Variants in DLG2 observed in about 807,000 individuals in gnomAD.
The protein encoded by DLG2 is discs large MAGUK scaffold protein 2, also known as disks large homolog 2.
DLG2 carries 45 observed loss-of-function variants against 132.5 expected under a neutral mutation model. The ratio of observed to expected loss-of-function variants is 0.34; its 90% CI spans 0.27 to 0.44. The LOEUF is 0.44. Among genes scored for constraint, DLG2 ranks in the 20% least tolerant of loss-of-function variants. The pLI is 1.00. For missense variants in DLG2, 1,045 were observed against 1,196.9 expected (o/e 0.87, Z 1.87); for synonymous variants, 424 against 419.6 (o/e 1.01, Z -0.13).
intron 5 of DLG2, among the ~76,000 whole-genome samples, chr11:85,123,783 A>G (rs1319235281): frequency 1.3e-5 from 2 of 152,228 alleles, no homozygotes; most frequent in African/African-American, 4.8e-5. Flanking sequence ...AGAAAGTGAT[A>G]TGTGTGGGTA....
intron 10 of DLG2, among the ~76,000 whole-genome samples, chr11:84,059,984 T>G (rs996863713): frequency 1.1e-4 from 16 of 152,018 alleles, no homozygotes; most frequent in African/African-American, 3.1e-4. Flanking sequence ...TATAAAAAGG[T>G]AGAAGAAAAA....
intron 11 of DLG2, among the ~76,000 whole-genome samples, chr11:84,027,680 T>G (rs1246094987): frequency 1.3e-5 from 2 of 152,032 alleles, no homozygotes; most frequent in African/African-American, 4.8e-5. Flanking sequence ...ATTCACTTAT[T>G]AACTCTCACC....
intron 6 of DLG2, among the ~76,000 whole-genome samples, chr11:84,791,045 AC>A (rs2073771605): frequency 6.6e-6 from 1 of 152,188 alleles, no homozygotes; most frequent in Non-Finnish European, 1.5e-5. Flanking sequence ...CAGGAAACTT[AC>A]AGTCATGGTG....
intron 7 of DLG2, among the ~76,000 whole-genome samples, chr11:84,405,161 A>C (rs578524): frequency 0.58 from 89,038 of 152,278 alleles, 30,378 homozygotes; most frequent in East Asian, 0.79. Context: ...AATTGTTTCA[A>C]TATCTTTCAA....
In DLG2 at chr11:83,768,531, C is replaced by T. The variant is rs183403952; in HGVS notation, c.1825+18159G>A. On this transcript the variant is annotated intron_variant, in intron 18 of 27. Transcript: ENST00000376104. ...TTCGGTGGTAATCTGCTTTCTTTAA[C>T]ATCCAGTTTTAAACCATAATCACTA... 1.3e-3 allele frequency among the ~76,000 whole-genome samples: 205 copies of T among 152,248 alleles called. 2 individuals are homozygous for T. The highest frequency in any genetic ancestry group is 9.8e-4 in the Admixed American group (15 of 15,288).
intron 3 of DLG2, among the ~76,000 whole-genome samples, chr11:85,389,184 A>G (rs2086595106): frequency 6.6e-6 from 1 of 152,158 alleles, no homozygotes; most frequent in African/African-American, 2.4e-5. Flanking sequence ...CTGAAAATCA[A>G]GGACACACTT....
chr11:85,285,214 G>A lies in DLG2; in HGVS notation c.186+6C>T, dbSNP rs908839185. The A allele has an allele frequency of 2.5e-6, 4 of 1,610,208 alleles. No individual in the cohort carries two copies. The highest frequency in any genetic ancestry group is 1.7e-4 in the Middle Eastern group (1 of 6,050). On this transcript the variant is annotated splice_donor_region_variant and intron_variant, in intron 4 of 27. Coordinates refer to ENST00000376104, the MANE Select transcript of DLG2 (RefSeq NM_001142699.3). The stretch of plus-strand genomic sequence containing the variant: ...TTCAGTTCTTTTGGAAGTTTCAGTA[G>A]TATACCTCTGAAGATTTTTGAAGTC...
rs546029551 is a variant in DLG2 at position 83,580,770 on chromosome 11, G to T, written c.1941-38912C>A. Among the ~76,000 whole-genome samples the T allele has an allele frequency of 5.3e-4, 80 of 151,260 alleles. No individual in the cohort carries two copies. The East Asian group carries it at 0.011, about 20-fold the overall frequency. On this transcript the variant is annotated intron_variant, in intron 19 of 27. Transcript: ENST00000376104. ...TTCTGTGGGAGAGCACTTAATACAG[G>T]CCAGGAGAAGCAAAAACTGGCCCTC...
intron 7 of DLG2, among the ~76,000 whole-genome samples, chr11:84,345,340 T>TACA (rs2098534642): frequency 6.6e-6 from 1 of 152,210 alleles, no homozygotes; most frequent in African/African-American, 2.4e-5. Flanking sequence ...AAAAGTCCTG[T>TACA]ACACGAGTAA....
intron 3 of DLG2, among the ~76,000 whole-genome samples, chr11:85,515,536 T>C (rs1224083530): frequency 1.3e-5 from 2 of 151,976 alleles, no homozygotes; most frequent in African/African-American, 2.4e-5. Flanking sequence ...ATAGTGTCTA[T>C]CTTAATGCTT....
At position 83,884,055 on chromosome 11, in the gene DLG2, C is replaced by T. The variant is rs529080309; in HGVS notation, c.1497-9567G>A. On this transcript the variant is annotated intron_variant, in intron 15 of 27. Transcript: ENST00000376104. ...ATTTCTGCATTTCCAACTGAAGTACCGGGTTCATCTCACTAGGGAGTGCCA... is the reference window on the plus strand; with the variant it reads ...ATTTCTGCATTTCCAACTGAAGTACTGGGTTCATCTCACTAGGGAGTGCCA... 6.3e-3 allele frequency among the ~76,000 whole-genome samples: 956 copies of T among 152,306 alleles called. 6 individuals are homozygous for T. The highest frequency in any genetic ancestry group is 0.01 in the Admixed American group (153 of 15,296).
intron 3 of DLG2, among the ~76,000 whole-genome samples, chr11:85,551,826 T>C (rs890401583): frequency 2.6e-5 from 4 of 151,974 alleles, no homozygotes; most frequent in South Asian, 2.1e-4. Flanking sequence ...GGATAAAATA[T>C]AGTCCACAAA....
intron 19 of DLG2, among the ~76,000 whole-genome samples, chr11:83,616,126 A>G (rs970379426): frequency 6.6e-6 from 1 of 152,128 alleles, no homozygotes; most frequent in Non-Finnish European, 1.5e-5. Flanking sequence ...ATATGCCATA[A>G]TTTATTTACC....
chr11:84,958,811 A>T (rs2154107269), intron 6 of DLG2, among the ~76,000 whole-genome samples: 1 of 152,312 alleles, frequency 6.6e-6, no homozygotes, highest in South Asian at 2.1e-4. Context: ...CTACAGAAAC[A>T]TACTACTTGC....
At chr11:85,183,102 C>G (rs1408120367) in intron 4 of DLG2, among the ~76,000 whole-genome samples, 1 of 151,780 alleles carries the variant, frequency 6.6e-6, no homozygotes, top group Non-Finnish European at 1.5e-5. Flanking sequence ...CCTGACCAAG[C>G]TTAGCAGAAT....
At chr11:85,518,001 C>T (rs182285602) in intron 3 of DLG2, among the ~76,000 whole-genome samples, 133 of 152,332 alleles carry the variant, frequency 8.7e-4, no homozygotes, top group African/African-American at 3.1e-3. Flanking sequence ...CCTTGCCTTA[C>T]ACCACGATTG....
At chr11:84,841,744 A>G (rs566528181) in intron 6 of DLG2, among the ~76,000 whole-genome samples, 1 of 152,066 alleles carries the variant, frequency 6.6e-6, no homozygotes, top group South Asian at 2.1e-4. Flanking sequence ...ATCAAAGTGC[A>G]TATATCATTT....
At chr11:84,638,013 T>C (rs1285317945) in intron 6 of DLG2, among the ~76,000 whole-genome samples, 2 of 152,242 alleles carry the variant, frequency 1.3e-5, no homozygotes, top group Non-Finnish European at 2.9e-5. Context: ...TACCTTATGT[T>C]TGCCTTAGAG....
chr11:84,287,329 T>C (rs1014688347), intron 7 of DLG2, among the ~76,000 whole-genome samples: 2 of 152,122 alleles, frequency 1.3e-5, no homozygotes, highest in Non-Finnish European at 2.9e-5. Flanking sequence ...GGGATGGTTA[T>C]ATCCATTTTA....
Sources: allele counts gnomAD v4.1 joint callset (sites outside exome capture counted in the v4.1 genomes callset), GRCh38; gene constraint gnomAD v4.1.1; transcripts MANE v1.5; gene names NCBI Gene and HGNC (gene_info 2026-07-23, HGNC 2026-07-21).